PREX1: variants seen among roughly 807,000 people sequenced by gnomAD.
The protein encoded by PREX1 is phosphatidylinositol-3,4,5-trisphosphate dependent Rac exchange factor 1, also known as phosphatidylinositol 3,4,5-trisphosphate-dependent Rac exchanger 1 protein.
A neutral mutation model predicts 198.3 loss-of-function variants in PREX1; 41 were observed. That is an observed-to-expected ratio of 0.21 (90% CI 0.16 to 0.27). The LOEUF (loss-of-function observed/expected upper bound fraction) is 0.27. Among genes scored for constraint, PREX1 ranks in the 10% least tolerant of loss-of-function variants. The pLI is 1.00. For missense variants in PREX1, 1,620 were observed against 2,200.7 expected (o/e 0.74, Z 5.28); for synonymous variants, 843 against 887.2 (o/e 0.95, Z 0.89).
chr20:48,796,748 G>A (rs949833725), intron 1 of PREX1, among the ~76,000 whole-genome samples: 4 of 149,492 alleles, frequency 2.7e-5, no homozygotes, highest in South Asian at 2.1e-4. Flanking sequence ...ATGTATATGC[G>A]TAATTATATA....
chr20:48,747,716 C>A, intron 2 of PREX1, 93 bp downstream of exon 2: 1 of 1,376,508 alleles, frequency 7.3e-7, no homozygotes, highest in Non-Finnish European at 1.0e-6. Flanking sequence ...TGCGCCTCCC[C>A]CTGCATGCAC....
chr20:48,639,802 T>C lies in PREX1; in HGVS notation c.3868A>G (p.Lys1290Glu). 1 of 1,614,064 alleles carries C rather than the reference T, an allele frequency of 6.2e-7. No individual in the cohort carries two copies. Among genetic ancestry groups the C allele is most frequent in the Non-Finnish European group, 8.5e-7 (1 of 1,179,980 alleles). Residue 1290 changes from lysine to glutamate, a missense_variant, in exon 30 of 40, where the codon AAG (lysine) becomes GAG (glutamate). Coordinates refer to ENST00000371941, the MANE Select transcript of PREX1 (RefSeq NM_020820.4). ...EDPWNLPNSI[K>E]TLVDNIQRYV... ...CTCTGAATGTTGTCCACCAGGGTCT[T>C]GATGGAGTTGGGGAGGTTCCAGGGG...
chr20:48,738,035 G>A (rs2122739068), intron 3 of PREX1, among the ~76,000 whole-genome samples: 2 of 152,296 alleles, frequency 1.3e-5, no homozygotes, highest in Middle Eastern at 6.8e-3. Flanking sequence ...CACTCTTAAA[G>A]GCAGAAAATG....
At chr20:48,757,189 A>ACACC (rs2090159269) in intron 1 of PREX1, among the ~76,000 whole-genome samples, 2 of 152,046 alleles carry the variant, frequency 1.3e-5, no homozygotes, top group African/African-American at 4.8e-5. Context: ...TTTGAAACAG[A>ACACC]CACCCATTCC....
intron 4 of PREX1, among the ~76,000 whole-genome samples, chr20:48,728,502 C>T (rs888747308): frequency 1.3e-5 from 2 of 152,226 alleles, no homozygotes; most frequent in African/African-American, 2.4e-5. Context: ...TCTAGCTGAG[C>T]TGAATGGCCC....
intron 35 of PREX1, 104 bp from the exon 36 acceptor site, chr20:48,630,898 C>T (rs1345783103): frequency 3.4e-5 from 28 of 834,272 alleles, no homozygotes; most frequent in Non-Finnish European, 4.7e-5. Flanking sequence ...CGCCCTCTGC[C>T]GACTCTCAGA....
At chr20:48,676,495 G>A (rs1193942596) in intron 13 of PREX1, among the ~76,000 whole-genome samples, 1 of 152,242 alleles carries the variant, frequency 6.6e-6, no homozygotes, top group African/African-American at 2.4e-5. Flanking sequence ...GTGGGAGGCA[G>A]GAGGCAGCAG....
the PREX1 span, among the ~76,000 whole-genome samples, chr20:48,854,846 CA>C: frequency 3.9e-5 from 6 of 152,176 alleles, no homozygotes; most frequent in Non-Finnish European, 7.3e-5. Context: ...AGGGGGTTTC[CA>C]GAGGTCATTT....
rs1347148456 is a variant in PREX1, at chr20:48,651,001, G to A, written c.2710C>T (p.Leu904Phe). 3 of 1,614,092 alleles carry A rather than the reference G, an allele frequency of 1.9e-6. No individual in the cohort carries two copies. Among genetic ancestry groups the A allele is most frequent in the South Asian group, 1.1e-5 (1 of 91,092 alleles). ...ACGATGGCGCTGCTCAGGGCCATGA[G>A]CCGCCTGCAGTTCTCCACGAAGACG... ...DSVFVENCRR[L>F]MALSSAIVTM... Residue 904 changes from leucine to phenylalanine, a missense_variant, in exon 23 of 40, where the codon CTC (leucine) becomes TTC (phenylalanine). Transcript: ENST00000371941.
At chr20:48,707,551 C>T (rs1006738364) in intron 6 of PREX1, among the ~76,000 whole-genome samples, 2 of 152,338 alleles carry the variant, frequency 1.3e-5, no homozygotes, top group South Asian at 2.1e-4. Flanking sequence ...ATATGATTCA[C>T]GTAACAATCT....
At chr20:48,692,627 G>T in intron 8 of PREX1, 45 bp downstream of exon 8, 1 of 1,451,562 alleles carries the variant, frequency 6.9e-7, no homozygotes, top group Non-Finnish European at 9.5e-7. Context: ...CCAGGGAGCA[G>T]GCAGGGCTCA....
At position 48,752,345 on chromosome 20, in the gene PREX1, T is replaced by C. The variant is rs117773953; in HGVS notation, c.220-4465A>G. 2.3e-3 allele frequency among the ~76,000 whole-genome samples: 356 copies of C among 152,350 alleles called. 4 individuals carry two copies. In the East Asian group the frequency reaches 0.045, roughly 19 times the overall value. ...ACAACATTTTTATAAGTAGCATGCT[T>C]TCAGCAACTTGATTTTCTCACTCAA... On this transcript the variant is annotated intron_variant, in intron 1 of 39. Transcript: ENST00000371941.
chr20:48,749,469 G>A (rs981825820), intron 1 of PREX1, among the ~76,000 whole-genome samples: 1 of 152,198 alleles, frequency 6.6e-6, no homozygotes, highest in Non-Finnish European at 1.5e-5. Flanking sequence ...ATCTCTGAGT[G>A]CAGGAGAGAT....
chr20:48,807,439 AC>A (rs1165090250), intron 1 of PREX1, among the ~76,000 whole-genome samples: 1 of 152,122 alleles, frequency 6.6e-6, no homozygotes, highest in African/African-American at 2.4e-5. Flanking sequence ...GCTGTCCGTT[AC>A]CCCAACATGT....
chr20:48,730,907 G>A (rs2090032118), intron 4 of PREX1, among the ~76,000 whole-genome samples: 1 of 152,070 alleles, frequency 6.6e-6, no homozygotes, highest in Non-Finnish European at 1.5e-5. Context: ...TAAATGGGAG[G>A]ATGGCTTGAG....
intron 14 of PREX1, among the ~76,000 whole-genome samples, chr20:48,671,030 C>T (rs1382987043): frequency 1.3e-5 from 2 of 152,252 alleles, no homozygotes; most frequent in Non-Finnish European, 2.9e-5. Flanking sequence ...CCCACCTCAT[C>T]CTCAGAGTTT....
chr20:48,748,218 CCT>C (rs1408154539), intron 1 of PREX1, among the ~76,000 whole-genome samples: 1 of 152,204 alleles, frequency 6.6e-6, no homozygotes, highest in East Asian at 1.9e-4. Flanking sequence ...CCCAGGGGCG[CCT>C]CTCAGACTCT....
chr20:48,793,101 A>T (rs1467264008), intron 1 of PREX1, among the ~76,000 whole-genome samples: 5 of 152,166 alleles, frequency 3.3e-5, no homozygotes, highest in African/African-American at 1.2e-4. Flanking sequence ...GCTACTTGGA[A>T]GGCTGAGGGG....
chr20:48,629,706 T>C, intron 36 of PREX1, 85 bp from the exon 37 acceptor site: 2 of 1,418,148 alleles, frequency 1.4e-6, no homozygotes, highest in Non-Finnish European at 2.0e-6. Context: ...TCCCCCACCA[T>C]ATCCTTCTAA....
Sources: allele counts gnomAD v4.1 joint callset (sites outside exome capture counted in the v4.1 genomes callset), GRCh38; gene constraint gnomAD v4.1.1; transcripts MANE v1.5; gene names NCBI Gene and HGNC (gene_info 2026-07-23, HGNC 2026-07-21).